The following GPHN variants were observed in gnomAD, a reference collection of about 807,000 sequenced individuals.
GPHN encodes the protein gephyrin.
A neutral mutation model predicts 95.5 loss-of-function variants in GPHN; 17 were observed. The observed-to-expected ratio is 0.18, with a 90% CI of 0.12 to 0.27. The LOEUF (loss-of-function observed/expected upper bound fraction) is 0.27, where lower values mean the gene tolerates loss of function less well. Among genes scored for constraint, GPHN ranks in the 10% least tolerant of loss-of-function variants. The probability of loss-of-function intolerance (pLI) is 1.00; values close to 1 mark genes in which losing one functional copy is unlikely to be tolerated. For synonymous variants in GPHN, 320 were observed against 322.5 expected, an observed-to-expected ratio of 0.99 and a Z score of 0.08; for missense variants, 660 against 978.1, an observed-to-expected ratio of 0.67 and a Z score of 4.34.
At chr14:66,684,896 C>T (rs557948933) in intron 2 of GPHN, among the ~76,000 whole-genome samples, 186 of 152,184 alleles carry the variant, frequency 1.2e-3, no homozygotes, top group Admixed American at 2.0e-3. Flanking sequence ...GCTGTCCCTC[C>T]CCTCTCACCC....
intron 4 of GPHN, among the ~76,000 whole-genome samples, chr14:66,854,413 A>G (rs2062713708): frequency 2.0e-5 from 3 of 152,160 alleles, no homozygotes; most frequent in South Asian, 2.1e-4. Flanking sequence ...TGAGACACCT[A>G]TTTTCCCAAT....
chr14:67,603,230 A>G, the GPHN span, among the ~76,000 whole-genome samples: 2 of 152,164 alleles, frequency 1.3e-5, no homozygotes, highest in African/African-American at 4.8e-5. Flanking sequence ...CTACCACATC[A>G]GGCTAATTTT....
At chr14:67,342,735 A>G in the GPHN span, among the ~76,000 whole-genome samples, 3 of 150,938 alleles carry the variant, frequency 2.0e-5, no homozygotes, top group Non-Finnish European at 4.4e-5. Flanking sequence ...CATATTATAC[A>G]TAGTTAATAT....
At chr14:67,248,848 T>TG in the GPHN span, among the ~76,000 whole-genome samples, 9,448 of 152,168 alleles carry the variant, frequency 0.062, 664 homozygotes, top group African/African-American at 0.17. Flanking sequence ...GAGATAGAGA[T>TG]GGGGTCTCAC....
chr14:67,276,003 T>G, the GPHN span, among the ~76,000 whole-genome samples: 62 of 152,304 alleles, frequency 4.1e-4, no homozygotes, highest in African/African-American at 1.3e-3. Context: ...TATTTGATTC[T>G]TCTCTCTTTT....
chr14:67,675,735 G>A, the GPHN span, among the ~76,000 whole-genome samples: 13 of 152,106 alleles, frequency 8.5e-5, no homozygotes, highest in Non-Finnish European at 4.4e-5. Flanking sequence ...GCTTCATTAG[G>A]TCTCATCTGC....
At chr14:66,875,953 C>G (rs2063645630) in intron 4 of GPHN, among the ~76,000 whole-genome samples, 1 of 152,160 alleles carries the variant, frequency 6.6e-6, no homozygotes, top group Non-Finnish European at 1.5e-5. Context: ...AATGTACATT[C>G]TTCTGAGCAC....
chr14:67,371,810 C>T, the GPHN span, among the ~76,000 whole-genome samples: 5 of 152,194 alleles, frequency 3.3e-5, no homozygotes, highest in East Asian at 9.6e-4. Context: ...ATAAGAAAAC[C>T]CAACAAAGAC....
chr14:67,270,154 T>G, the GPHN span: 1 of 152,250 alleles, frequency 6.6e-6, no homozygotes, highest in East Asian at 1.9e-4. Flanking sequence ...AGTGGGTCTG[T>G]ACCCTTTAGG....
intron 2 of GPHN, among the ~76,000 whole-genome samples, chr14:66,706,255 C>T (rs1029163487): frequency 6.6e-6 from 1 of 152,110 alleles, no homozygotes; most frequent in Non-Finnish European, 1.5e-5. Context: ...TGTATAGATT[C>T]AATGCTGTTC....
intron 9 of GPHN, among the ~76,000 whole-genome samples, chr14:66,993,021 G>A (rs982957047): frequency 6.6e-6 from 1 of 152,026 alleles, no homozygotes; most frequent in Non-Finnish European, 1.5e-5. Context: ...ACTGGTTAGT[G>A]TGTCAAAATA....
At chr14:67,640,773 C>T in the GPHN span, among the ~76,000 whole-genome samples, 5,484 of 152,202 alleles carry the variant, frequency 0.036, 275 homozygotes, top group African/African-American at 0.11. Context: ...TAGCATCCAA[C>T]TTAGGTGGGG....
chr14:66,520,118 C>T (rs186167250), intron 1 of GPHN, among the ~76,000 whole-genome samples: 2 of 151,902 alleles, frequency 1.3e-5, no homozygotes, highest in Admixed American at 1.3e-4. Flanking sequence ...TTAATTAGTC[C>T]CTAATTGATG....
chr14:67,366,417 A>G, the GPHN span, among the ~76,000 whole-genome samples: 2 of 152,178 alleles, frequency 1.3e-5, no homozygotes, highest in Non-Finnish European at 2.9e-5. Flanking sequence ...GGAATCAAAT[A>G]TGTTTTTAGT....
At chr14:67,691,538 A>G in the GPHN span, 3 of 268,928 alleles carry the variant, frequency 1.1e-5, no homozygotes, top group African/African-American at 6.6e-5. Flanking sequence ...CTCTCTCAAT[A>G]AAAAGACTTC....
the GPHN span, among the ~76,000 whole-genome samples, chr14:67,449,627 T>G: frequency 6.6e-6 from 1 of 152,358 alleles, no homozygotes; most frequent in African/African-American, 2.4e-5. Flanking sequence ...CATTTGCCAG[T>G]TGAGGCCTAA....
At chr14:66,550,174 A>C (rs1233521032) in intron 1 of GPHN, among the ~76,000 whole-genome samples, 2 of 152,214 alleles carry the variant, frequency 1.3e-5, no homozygotes, top group Non-Finnish European at 2.9e-5. Context: ...CCTTTGATGG[A>C]TCTGAGCAAA....
the GPHN span, among the ~76,000 whole-genome samples, chr14:67,397,029 C>T: frequency 6.6e-6 from 1 of 151,660 alleles, no homozygotes; most frequent in Non-Finnish European, 1.5e-5. Context: ...AACTCTGCCT[C>T]CCAGGGTCAA....
intron 1 of GPHN, among the ~76,000 whole-genome samples, chr14:66,522,388 A>C (rs918615464): frequency 2.6e-5 from 4 of 152,198 alleles, no homozygotes; most frequent in Admixed American, 2.6e-4. Flanking sequence ...AGTATGTATT[A>C]TATGAAAATG....
Sources: gnomAD v4.1 joint callset for allele counts (sites outside exome capture counted in the v4.1 genomes callset) on GRCh38, gnomAD v4.1.1 for gene constraint, MANE v1.5 for transcripts, NCBI Gene and HGNC (gene_info 2026-07-23, HGNC 2026-07-21) for gene names.